The following TMEM39A variants were observed in gnomAD, a reference collection of about 807,000 sequenced individuals.
TMEM39A encodes transmembrane protein 39A.
A neutral mutation model predicts 51.9 loss-of-function variants in TMEM39A; 19 were observed. The observed-to-expected ratio is 0.37, with a 90% CI of 0.26 to 0.54. The LOEUF (loss-of-function observed/expected upper bound fraction) is 0.54, where lower values mean the gene tolerates loss of function less well. Ranked by LOEUF, TMEM39A falls within the 20% of genes least tolerant of loss-of-function variation. The probability of loss-of-function intolerance (pLI) is 0.88; values close to 1 mark genes in which losing one functional copy is unlikely to be tolerated. For synonymous variants in TMEM39A, 197 were observed against 220.2 expected, an observed-to-expected ratio of 0.89 and a Z score of 0.93; for missense variants, 433 against 590.5, an observed-to-expected ratio of 0.73 and a Z score of 2.76.
At chr3:119,442,717 G>C (rs1251247888) in intron 5 of TMEM39A, among the ~76,000 whole-genome samples, 1 of 152,118 alleles carries the variant, frequency 6.6e-6, no homozygotes, top group Non-Finnish European at 1.5e-5. Context: ...GACTTCACTG[G>C]AGAAAGTAAC....
chr3:119,437,375 G>C (rs2080984108), intron 6 of TMEM39A, among the ~76,000 whole-genome samples: 1 of 152,012 alleles, frequency 6.6e-6, no homozygotes, highest in Non-Finnish European at 1.5e-5. Flanking sequence ...TTAGATAAGG[G>C]CTAGATTAAA....
chr3:119,451,627 T>A (rs1195828297), intron 4 of TMEM39A, among the ~76,000 whole-genome samples: 1 of 151,942 alleles, frequency 6.6e-6, no homozygotes, highest in Admixed American at 6.5e-5. Flanking sequence ...GGTCGGGAGT[T>A]CGAGACCAGC....
chr3:119,458,243 GAA>G lies in TMEM39A; in HGVS notation c.114-5_114-4del. Reference sequence around the variant, plus strand: ...GAAGGCCAATAGCACTACCATTCCTGAAAGAGAAAACTATGGTTAACTCAAAT... The same window carrying G: ...GAAGGCCAATAGCACTACCATTCCTGAGAGAAAACTATGGTTAACTCAAAT... On this transcript the variant is annotated splice_polypyrimidine_tract_variant and splice_region_variant and intron_variant, in intron 2 of 8. Coordinates refer to ENST00000319172, the MANE Select transcript of TMEM39A (RefSeq NM_018266.3). 6.2e-7 allele frequency: 1 copy of G among 1,613,370 alleles called. No individual in the cohort carries two copies. The highest frequency in any genetic ancestry group is 8.5e-7 in the Non-Finnish European group (1 of 1,179,632).
At chr3:119,435,066 T>G in intron 7 of TMEM39A, 184 bp from the exon 8 acceptor site, 2 of 974,312 alleles carry the variant, frequency 2.1e-6, no homozygotes, top group Non-Finnish European at 2.4e-6. Context: ...TTACTTTAAC[T>G]TCATTGCTAT....
intron 7 of TMEM39A, 62 bp from the exon 8 acceptor site, chr3:119,434,944 A>C: frequency 6.4e-7 from 1 of 1,573,922 alleles, no homozygotes. Context: ...AGCATCTGGC[A>C]AGGCCAGCTG....
chr3:119,436,865 T>C lies in TMEM39A; in HGVS notation c.1038A>G (p.Leu346=), dbSNP rs747793693. ...QLLPSKYCDL[L]HKSAAHLGKW... is the part of the protein sequence containing the mutation. ...TGCCCAGGTGAGCAGCTGATTTATG[T>C]AGCAAATCACAGTATTTGGATGGCA... is the stretch of plus-strand genomic sequence containing the variant. Residue 346 remains leucine, a synonymous_variant, in exon 7 of 9, where the codon CTA becomes CTG. Transcript: ENST00000319172. 2 of 1,614,080 alleles carry C rather than the reference T, an allele frequency of 1.2e-6. No homozygotes were observed. The highest frequency in any genetic ancestry group is 1.7e-6 in the Non-Finnish European group (2 of 1,179,948).
chr3:119,457,511 T>C (rs2081281883), intron 3 of TMEM39A, among the ~76,000 whole-genome samples: 1 of 152,198 alleles, frequency 6.6e-6, no homozygotes, highest in Non-Finnish European at 1.5e-5. Flanking sequence ...CCTAAGCTCT[T>C]TCCCCTTCTG....
intron 2 of TMEM39A, among the ~76,000 whole-genome samples, chr3:119,459,250 T>C (rs2081305569): frequency 6.6e-6 from 1 of 152,238 alleles, no homozygotes; most frequent in Non-Finnish European, 1.5e-5. Context: ...AAACTGTTTA[T>C]ACAAACAATG....
Position 119,432,312 on chromosome 3 carries a change from G to A in TMEM39A, c.1234-98C>T, listed in dbSNP as rs1045039450. On this transcript the variant is annotated intron_variant, in intron 8 of 8. Transcript: ENST00000319172. ...TTTCTAAAATAATTTAACATTTACA[G>A]GTTCCCATATATAATAATAAATAGA... is the stretch of plus-strand genomic sequence containing the variant. The A allele has an allele frequency of 3.8e-6, 3 of 784,448 alleles. No homozygotes were observed. In the African/African-American group the frequency reaches 5.3e-5, roughly 14 times the overall value. 48.6% of individuals were successfully genotyped at this position (784,448 alleles called of 1,614,324 possible).
chr3:119,451,219 T>A, intron 4 of TMEM39A: 1 of 1,273,984 alleles, frequency 7.8e-7, no homozygotes, highest in Non-Finnish European at 1.0e-6. Context: ...CTGTGCTTTT[T>A]GGTTAACTTC....
At chr3:119,446,457 C>T (rs931681652) in intron 5 of TMEM39A, among the ~76,000 whole-genome samples, 9 of 152,108 alleles carry the variant, frequency 5.9e-5, no homozygotes, top group African/African-American at 1.7e-4. Context: ...AATGGGATGG[C>T]GAGAAATTTC....
chr3:119,453,654 C>T (rs1036599645), intron 3 of TMEM39A, among the ~76,000 whole-genome samples: 1 of 152,120 alleles, frequency 6.6e-6, no homozygotes, highest in African/African-American at 2.4e-5. Context: ...TGCCTTGGAC[C>T]ATGGTTTGGA....
intron 5 of TMEM39A, among the ~76,000 whole-genome samples, chr3:119,445,987 T>TAGTGTATGTA (rs2081119459): frequency 6.6e-6 from 1 of 152,204 alleles, no homozygotes; most frequent in South Asian, 2.1e-4. Context: ...CCTAAAACCA[T>TAGTGTATGTA]GGATAGTACC....
intron 5 of TMEM39A, 55 bp from the exon 6 acceptor site, chr3:119,438,158 A>G (rs991099615): frequency 3.3e-5 from 45 of 1,367,034 alleles, no homozygotes; most frequent in Middle Eastern, 1.9e-4. Flanking sequence ...ATCACACCTT[A>G]TAACTTACGT....
intron 3 of TMEM39A, among the ~76,000 whole-genome samples, chr3:119,453,859 C>A (rs909313005): frequency 6.6e-6 from 1 of 152,078 alleles, no homozygotes; most frequent in Non-Finnish European, 1.5e-5. Context: ...AAACAAGCTC[C>A]CAAACAAAAG....
chr3:119,432,541 T>C (rs2080915086), intron 8 of TMEM39A, among the ~76,000 whole-genome samples: 1 of 152,134 alleles, frequency 6.6e-6, no homozygotes, highest in South Asian at 2.1e-4. Context: ...CACAAAAGTA[T>C]ATTCATCTAA....
At chr3:119,456,302 T>TA (rs35348823) in intron 3 of TMEM39A, among the ~76,000 whole-genome samples, 3 of 151,568 alleles carry the variant, frequency 2.0e-5, no homozygotes, top group East Asian at 1.9e-4. Flanking sequence ...AAAAAAGACT[T>TA]AAAAAAAAAT....
chr3:119,436,305 T>C (rs2080967195), intron 7 of TMEM39A, among the ~76,000 whole-genome samples: 1 of 151,620 alleles, frequency 6.6e-6, no homozygotes, highest in African/African-American at 2.4e-5. Flanking sequence ...AGAAAGAAAA[T>C]AATAGTAAAA....
At chr3:119,437,709 T>A in intron 6 of TMEM39A, 46 bp downstream of exon 6, 1 of 1,411,144 alleles carries the variant, frequency 7.1e-7, no homozygotes, top group Non-Finnish European at 9.6e-7. Context: ...TTTATGTAAT[T>A]CACACACAAA....
Sources: gnomAD v4.1 joint callset for allele counts (sites outside exome capture counted in the v4.1 genomes callset) on GRCh38, gnomAD v4.1.1 for gene constraint, MANE v1.5 for transcripts, NCBI Gene and HGNC (gene_info 2026-07-23, HGNC 2026-07-21) for gene names.